CTNND2: variants seen among roughly 807,000 people sequenced by gnomAD.
The protein encoded by CTNND2 is catenin delta-2.
CTNND2 carries 22 observed loss-of-function variants against 144.4 expected under a neutral mutation model. The ratio of observed to expected loss-of-function variants is 0.15; its 90% CI spans 0.11 to 0.22. The LOEUF is 0.22. Ranked by LOEUF, CTNND2 falls within the 10% of genes least tolerant of loss-of-function variation. The probability of loss-of-function intolerance (pLI) is 1.00; values close to 1 mark genes in which losing one functional copy is unlikely to be tolerated. For synonymous variants in CTNND2, 751 were observed against 695.6 expected (o/e 1.08, Z -1.25); for missense variants, 1,353 against 1,618.8 (o/e 0.84, Z 2.82).
chr5:11,237,012 T>C (rs1741713120), intron 9 of CTNND2, among the ~76,000 whole-genome samples, 189 bp from the exon 10 acceptor site: 1 of 151,866 alleles, frequency 6.6e-6, no homozygotes, highest in Admixed American at 6.6e-5. Flanking sequence ...TAAATAGTTT[T>C]CTTTCTTTTC....
chr5:11,595,385 C>T (rs1252669421), intron 2 of CTNND2, among the ~76,000 whole-genome samples: 1 of 152,180 alleles, frequency 6.6e-6, no homozygotes, highest in Non-Finnish European at 1.5e-5. Context: ...TATATGTTAT[C>T]ACACACTAGC....
intron 8 of CTNND2, among the ~76,000 whole-genome samples, chr5:11,362,402 G>A (rs574342344): frequency 6.6e-6 from 1 of 152,252 alleles, no homozygotes; most frequent in South Asian, 2.1e-4. Context: ...CTGTGGCTGT[G>A]AAAATGTGAA....
chr5:11,454,581 T>A (rs995756564), intron 3 of CTNND2, among the ~76,000 whole-genome samples: 1 of 150,392 alleles, frequency 6.6e-6, no homozygotes, highest in Admixed American at 6.6e-5. Context: ...AGGATATTCA[T>A]AACAGAAAGT....
chr5:11,799,489 T>G (rs914156898), intron 1 of CTNND2, among the ~76,000 whole-genome samples: 3 of 152,212 alleles, frequency 2.0e-5, no homozygotes. Flanking sequence ...CATTTTACCT[T>G]CTCCAATGGC....
chr5:11,394,196 G>A (rs1478002057), intron 6 of CTNND2, among the ~76,000 whole-genome samples: 1 of 152,150 alleles, frequency 6.6e-6, no homozygotes, highest in Non-Finnish European at 1.5e-5. Flanking sequence ...AATGTACTGT[G>A]CAATTTACTT....
chr5:11,868,972 C>G (rs1795901963), intron 1 of CTNND2, among the ~76,000 whole-genome samples: 1 of 152,010 alleles, frequency 6.6e-6, no homozygotes, highest in African/African-American at 2.4e-5. Flanking sequence ...ACAAAGACAC[C>G]CAAATGGCCA....
intron 11 of CTNND2, among the ~76,000 whole-genome samples, chr5:11,162,344 A>G (rs1758853741): frequency 1.3e-5 from 2 of 152,174 alleles, no homozygotes; most frequent in Admixed American, 1.3e-4. Flanking sequence ...CAAATCTAGT[A>G]CCTGACAAGA....
intron 8 of CTNND2, among the ~76,000 whole-genome samples, chr5:11,348,887 T>TGG (rs1755067290): frequency 6.6e-6 from 1 of 152,108 alleles, no homozygotes; most frequent in South Asian, 2.1e-4. Flanking sequence ...GAAGGCAACA[T>TGG]CTTGGTATGT....
intron 3 of CTNND2, among the ~76,000 whole-genome samples, chr5:11,544,116 A>C (rs1167925663): frequency 6.6e-6 from 1 of 152,210 alleles, no homozygotes; most frequent in Non-Finnish European, 1.5e-5. Flanking sequence ...ATACTTAAAA[A>C]TTTAAAGGGG....
Position 11,903,764 on chromosome 5 carries a change from C to A in CTNND2, c.37+53G>T. 6.9e-7 allele frequency: 1 copy of A among 1,458,346 alleles called. No homozygotes were observed. Among genetic ancestry groups the A allele is most frequent in the Non-Finnish European group, 9.0e-7 (1 of 1,107,484 alleles). 90.3% of individuals were successfully genotyped at this position (1,458,346 alleles called of 1,614,324 possible). A position where few individuals can be genotyped will look rare whatever the true frequency, so the allele number is the denominator to read the frequency against. On this transcript the variant is annotated intron_variant, in intron 1 of 21. Coordinates refer to ENST00000304623, the MANE Select transcript of CTNND2 (RefSeq NM_001332.4). This position sits in a 1 kb window ranked among gnomAD's most constrained non-coding sequence, Gnocchi z 5.4. ...CCCACCAGCGGCAAGAGGAGGAGGA[C>A]GGCGCCGGGAGGAGGCTGCGCCCGG...
chr5:11,308,672 G>A (rs768176674), intron 9 of CTNND2, among the ~76,000 whole-genome samples: 11 of 152,118 alleles, frequency 7.2e-5, no homozygotes, highest in Non-Finnish European at 1.3e-4. Flanking sequence ...ACTTACCTTC[G>A]TTCAGGGCAA....
rs574864528 is a variant in CTNND2, at chr5:11,643,698, T to C, written c.175-78642A>G. 1.2e-4 allele frequency among the ~76,000 whole-genome samples: 19 copies of C among 152,250 alleles called. 1 individual carries two copies. The East Asian group carries it at 3.5e-3, about 28-fold the overall frequency. ...TTATTCTTACATAACTGTAATTTAT[T>C]AAACTTTAATGGGATTACTTATTAT... On this transcript the variant is annotated intron_variant, in intron 2 of 21. Transcript: ENST00000304623.
chr5:11,531,896 G>T (rs907388539), intron 3 of CTNND2, among the ~76,000 whole-genome samples: 2 of 151,694 alleles, frequency 1.3e-5, no homozygotes, highest in African/African-American at 2.4e-5. Context: ...TATTTTATTT[G>T]GCTTATCCAC....
At position 11,903,723 on chromosome 5, in the gene CTNND2, G is replaced by A. The variant is rs1285440471; in HGVS notation, c.37+94C>T. The A allele has an allele frequency of 1.8e-5, 23 of 1,276,006 alleles. No homozygotes were observed. The highest frequency in any genetic ancestry group is 2.0e-5 in the Non-Finnish European group (20 of 977,416). The allele number at this position is 1,276,006 out of a possible 1,614,324, so 79.0% of individuals were successfully genotyped here. ...AGCCGCCGCCGCCGCCTGCCGGCCG[G>A]GAGCCCAGGACCACCCCCACCAGCG... On this transcript the variant is annotated intron_variant, in intron 1 of 21. Transcript: ENST00000304623. This position sits in a 1 kb window ranked among gnomAD's most constrained non-coding sequence, Gnocchi z 5.4.
rs182264590 is a variant in CTNND2 at position 11,828,165 on chromosome 5, T to C, written c.37+75652A>G. On this transcript the variant is annotated intron_variant, in intron 1 of 21. Transcript: ENST00000304623. ...AACCCAGTGGGATATAATTAAACCATGCGGGCAGATCTTTCCTGTGCTGTT... is the reference window on the plus strand; with the variant it reads ...AACCCAGTGGGATATAATTAAACCACGCGGGCAGATCTTTCCTGTGCTGTT... Among the ~76,000 whole-genome samples the C allele has an allele frequency of 2.0e-5, 3 of 152,264 alleles. No homozygotes were observed. The East Asian group carries it at 5.8e-4, about 29-fold the overall frequency.
intron 9 of CTNND2, among the ~76,000 whole-genome samples, chr5:11,341,633 T>C (rs1476389877): frequency 1.3e-5 from 2 of 152,240 alleles, no homozygotes; most frequent in African/African-American, 4.8e-5. Flanking sequence ...GCCATGTTAT[T>C]TGAGTTACAT....
At chr5:11,707,873 A>C (rs562058951) in intron 2 of CTNND2, among the ~76,000 whole-genome samples, 1 of 152,264 alleles carries the variant, frequency 6.6e-6, no homozygotes, top group Non-Finnish European at 1.5e-5. Context: ...ACTCTAATTA[A>C]TCTCTTGGAG....
chr5:11,370,998 C>T (rs1047286510), intron 7 of CTNND2, among the ~76,000 whole-genome samples: 18 of 152,294 alleles, frequency 1.2e-4, no homozygotes, highest in South Asian at 2.1e-4. Flanking sequence ...TAATTATTAA[C>T]GAAACTACAA....
chr5:11,290,893 A>G (rs1464339293), intron 9 of CTNND2, among the ~76,000 whole-genome samples: 1 of 152,212 alleles, frequency 6.6e-6, no homozygotes, highest in Admixed American at 6.5e-5. Context: ...AAGAAGGGAC[A>G]CGTGCTGGCA....
Sources: allele counts gnomAD v4.1 joint callset (sites outside exome capture counted in the v4.1 genomes callset), GRCh38; gene constraint gnomAD v4.1.1; non-coding constraint Gnocchi (gnomAD v3.1); transcripts MANE v1.5; gene names NCBI Gene and HGNC (gene_info 2026-07-23, HGNC 2026-07-21).